GALNTL6: variants seen among roughly 807,000 people sequenced by gnomAD.
GALNTL6 encodes the protein polypeptide N-acetylgalactosaminyltransferase like 6, also known as polypeptide N-acetylgalactosaminyltransferase-like 6.
GALNTL6 carries 46 observed loss-of-function variants against 73.7 expected under a neutral mutation model. The observed-to-expected ratio is 0.62, with a 90% CI of 0.49 to 0.80. GALNTL6 has a LOEUF of 0.80. Ranked by LOEUF, GALNTL6 falls within the 30% of genes least tolerant of loss-of-function variation. GALNTL6 has a pLI of 0.00. For missense variants in GALNTL6, 604 were observed against 755.0 expected (o/e 0.80, Z 2.34); for synonymous variants, 259 against 263.7 (o/e 0.98, Z 0.17).
At chr4:172,410,904 A>T (rs1175331679) in intron 5 of GALNTL6, among the ~76,000 whole-genome samples, 1 of 152,098 alleles carries the variant, frequency 6.6e-6, no homozygotes, top group African/African-American at 2.4e-5. Context: ...CTTTATTGTT[A>T]TATAACAGCA....
intron 2 of GALNTL6, among the ~76,000 whole-genome samples, chr4:172,154,571 A>G (rs1734198449): frequency 6.6e-6 from 1 of 152,134 alleles, no homozygotes; most frequent in Admixed American, 6.6e-5. Context: ...CTTTTGAATG[A>G]TGACTTGCTC....
chr4:172,976,700 A>G (rs1243729550), intron 10 of GALNTL6, among the ~76,000 whole-genome samples: 1 of 152,234 alleles, frequency 6.6e-6, no homozygotes, highest in East Asian at 1.9e-4. Flanking sequence ...ACACCTGTCC[A>G]CCTTTTCTGA....
At chr4:172,740,009 T>G (rs1736708472) in intron 5 of GALNTL6, among the ~76,000 whole-genome samples, 1 of 151,914 alleles carries the variant, frequency 6.6e-6, no homozygotes, top group African/African-American at 2.4e-5. Flanking sequence ...TTACTGATAA[T>G]AAAAGCCAAA....
chr4:172,064,941 A>AT (rs962752607), intron 2 of GALNTL6, among the ~76,000 whole-genome samples: 2 of 152,092 alleles, frequency 1.3e-5, no homozygotes, highest in East Asian at 3.9e-4. Context: ...AGTTTTACAA[A>AT]TTTTTTTCTA....
rs560098481 is a variant in GALNTL6 at position 172,554,275 on chromosome 4, A to C, written c.553+205586A>C. On this transcript the variant is annotated intron_variant, in intron 5 of 12. Transcript: ENST00000506823. Reference sequence around the variant, plus strand: ...CATGCATTTCCTCACATTCTCATGAACTATATTGGTGAATTGGTATGGTAA... The same window carrying C: ...CATGCATTTCCTCACATTCTCATGACCTATATTGGTGAATTGGTATGGTAA... Among the ~76,000 whole-genome samples the C allele has an allele frequency of 8.8e-4, 134 of 152,300 alleles. 1 individual carries two copies. Among genetic ancestry groups the C allele is most frequent in the African/African-American group, 3.1e-3 (128 of 41,588 alleles).
chr4:172,782,924 T>G (rs1217109048), intron 5 of GALNTL6, among the ~76,000 whole-genome samples: 1 of 152,110 alleles, frequency 6.6e-6, no homozygotes, highest in East Asian at 1.9e-4. Flanking sequence ...GAGCTTGTTA[T>G]GCATGGTCTA....
chr4:172,471,825 T>C (rs979752298), intron 5 of GALNTL6, among the ~76,000 whole-genome samples: 7 of 152,222 alleles, frequency 4.6e-5, no homozygotes, highest in Non-Finnish European at 1.0e-4. Flanking sequence ...ATGTTACACA[T>C]TTGAGTGAAT....
At chr4:171,976,879 A>T (rs1439266282) in intron 2 of GALNTL6, among the ~76,000 whole-genome samples, 1 of 152,228 alleles carries the variant, frequency 6.6e-6, no homozygotes. Flanking sequence ...TGTTCATGAG[A>T]GAAAAATCAG....
intron 5 of GALNTL6, among the ~76,000 whole-genome samples, chr4:172,370,816 G>A (rs1186981599): frequency 6.6e-6 from 1 of 151,916 alleles, no homozygotes; most frequent in Admixed American, 6.6e-5. Context: ...AGCGGTTATG[G>A]AGAGTCACTG....
intron 8 of GALNTL6, among the ~76,000 whole-genome samples, chr4:172,914,537 TA>T (rs1271980504): frequency 1.3e-5 from 2 of 151,734 alleles, no homozygotes; most frequent in Non-Finnish European, 2.9e-5. Flanking sequence ...AAGCTCAAAA[TA>T]AAGGGATGGA....
rs1392956512 is a variant in GALNTL6, at chr4:172,467,360, T to C, written c.553+118671T>C. Among the ~76,000 whole-genome samples, 10 of 152,192 alleles carry C rather than the reference T, an allele frequency of 6.6e-5. No individual in the cohort carries two copies. The East Asian group carries it at 1.9e-3, about 29-fold the overall frequency. ...ACATGATTCAGCTACTCAGTAAATT[T>C]CGTAGGGTTCAGAGAATAGTTCTGG... is the stretch of plus-strand genomic sequence containing the variant. On this transcript the variant is annotated intron_variant, in intron 5 of 12. Coordinates refer to ENST00000506823, the MANE Select transcript of GALNTL6 (RefSeq NM_001034845.3).
chr4:171,975,869 A>C (rs373973899), intron 2 of GALNTL6, among the ~76,000 whole-genome samples: 2 of 152,316 alleles, frequency 1.3e-5, no homozygotes, highest in East Asian at 3.9e-4. Context: ...GAGACTAAAA[A>C]AATTAATAAG....
In GALNTL6 at chr4:172,121,630, A is replaced by C. The variant is rs555311455; in HGVS notation, c.139-108026A>C. ...AATTGATGAGTAAGTCAGTGTCAAAACTTTCTTATCTACATTTGAGCAATT... is the reference window on the plus strand; with the variant it reads ...AATTGATGAGTAAGTCAGTGTCAAACCTTTCTTATCTACATTTGAGCAATT... On this transcript the variant is annotated intron_variant, in intron 2 of 12. Transcript: ENST00000506823. 3.0e-4 allele frequency among the ~76,000 whole-genome samples: 45 copies of C among 152,134 alleles called. No individual in the cohort carries two copies. In the South Asian group the frequency reaches 8.9e-3, roughly 30 times the overall value.
intron 5 of GALNTL6, among the ~76,000 whole-genome samples, chr4:172,470,860 AAC>A (rs1733021283): frequency 6.6e-6 from 1 of 152,116 alleles, no homozygotes; most frequent in Non-Finnish European, 1.5e-5. Context: ...ACACATACAC[AAC>A]ACACACAGAC....
chr4:171,826,334 C>A (rs1048263768), intron 2 of GALNTL6, among the ~76,000 whole-genome samples: 5 of 152,166 alleles, frequency 3.3e-5, no homozygotes, highest in Non-Finnish European at 5.9e-5. Context: ...CTACTTGCCT[C>A]CTGTTACTAT....
At chr4:172,584,733 C>T (rs1447401232) in intron 5 of GALNTL6, among the ~76,000 whole-genome samples, 2 of 152,152 alleles carry the variant, frequency 1.3e-5, no homozygotes, top group Non-Finnish European at 2.9e-5. Context: ...AGATTGAGGA[C>T]ATCCAAGTAC....
chr4:172,084,471 C>G (rs1731969054), intron 2 of GALNTL6, among the ~76,000 whole-genome samples: 1 of 152,124 alleles, frequency 6.6e-6, no homozygotes, highest in South Asian at 2.1e-4. Context: ...TATATTACAA[C>G]AGCAGGTCTG....
chr4:172,568,626 T>C (rs1057130558), intron 5 of GALNTL6, among the ~76,000 whole-genome samples: 35 of 150,602 alleles, frequency 2.3e-4, no homozygotes, highest in South Asian at 4.2e-4. Flanking sequence ...GGCGTGATGG[T>C]GGGCGCCTGT....
At chr4:172,732,948 A>C (rs1028796110) in intron 5 of GALNTL6, among the ~76,000 whole-genome samples, 1 of 152,182 alleles carries the variant, frequency 6.6e-6, no homozygotes, top group African/African-American at 2.4e-5. Context: ...TGTTTTTGAT[A>C]AATTTTTCTT....
Sources: allele counts gnomAD v4.1 joint callset (sites outside exome capture counted in the v4.1 genomes callset), GRCh38; gene constraint gnomAD v4.1.1; transcripts MANE v1.5; gene names NCBI Gene and HGNC (gene_info 2026-07-23, HGNC 2026-07-21).